SPMIP6: variants seen among roughly 807,000 people sequenced by gnomAD.
SPMIP6 encodes the protein sperm microtubule inner protein 6.
At chr9:34,381,377 T>C in the SPMIP6 span, 1 of 1,613,830 alleles carries the variant, frequency 6.2e-7, no homozygotes. The surrounding 1 kb of genome is among the most constrained non-coding windows in gnomAD (Gnocchi z 4.4). Flanking sequence ...ACCGTAGGCA[T>C]TGAGCCGCTC....
At chr9:34,383,103 C>T in the SPMIP6 span, among the ~76,000 whole-genome samples, 2 of 152,230 alleles carry the variant, frequency 1.3e-5, no homozygotes, top group Admixed American at 6.5e-5. Flanking sequence ...CTGTGCCAGC[C>T]ACTTTTCATC....
chr9:34,385,547 A>AG, the SPMIP6 span: 1 of 1,034,718 alleles, frequency 9.7e-7, no homozygotes, highest in Non-Finnish European at 1.3e-6. Flanking sequence ...AAAAAAAAAA[A>AG]AAAAAAAAAA....
the SPMIP6 span, chr9:34,380,649 G>GGTGAAATATC: frequency 1.3e-6 from 2 of 1,530,492 alleles, no homozygotes; most frequent in Non-Finnish European, 1.8e-6. Context: ...GGTTGACCTT[G>GGTGAAATATC]AGCCCAGTTT....
chr9:34,394,966 C>CTTT, the SPMIP6 span, among the ~76,000 whole-genome samples: 206 of 144,232 alleles, frequency 1.4e-3, 2 homozygotes, highest in Admixed American at 2.3e-3. Context: ...TTCCTTCATT[C>CTTT]TTTTTTTTTT....
the SPMIP6 span, among the ~76,000 whole-genome samples, chr9:34,388,703 A>G: frequency 6.6e-6 from 1 of 151,156 alleles, no homozygotes; most frequent in African/African-American, 2.4e-5. Context: ...CTTCCTTCTC[A>G]CTCTCCTTGT....
At chr9:34,390,420 T>C in the SPMIP6 span, among the ~76,000 whole-genome samples, 1 of 152,206 alleles carries the variant, frequency 6.6e-6, no homozygotes. Context: ...TCACTCAAAC[T>C]GTACAGTTCA....
At chr9:34,379,696 C>T in the SPMIP6 span, 2 of 1,614,054 alleles carry the variant, frequency 1.2e-6, no homozygotes, top group South Asian at 1.1e-5. The surrounding 1 kb of genome is among the most constrained non-coding windows in gnomAD (Gnocchi z 4.2). Context: ...TAACAGCACA[C>T]TGCATTCCGG....
chr9:34,381,227 CCAGGACGGATAGATT>C, the SPMIP6 span: 1 of 1,565,312 alleles, frequency 6.4e-7, no homozygotes, highest in South Asian at 1.2e-5. This position sits in a 1 kb window ranked among gnomAD's most constrained non-coding sequence, Gnocchi z 4.4. Flanking sequence ...GAGACAAAAG[CCAGGACGGATAGATT>C]CAGGGTTCCA....
chr9:34,388,756 G>A, the SPMIP6 span, among the ~76,000 whole-genome samples: 1 of 152,072 alleles, frequency 6.6e-6, no homozygotes, highest in Admixed American at 6.6e-5. Flanking sequence ...TTTTAGAGGG[G>A]TTTTAGGAGG....
At chr9:34,379,784 A>C in the SPMIP6 span, 2 of 1,449,486 alleles carry the variant, frequency 1.4e-6, no homozygotes, top group East Asian at 2.3e-5. The surrounding 1 kb of genome is among the most constrained non-coding windows in gnomAD (Gnocchi z 4.2). Context: ...TTTGACTCTC[A>C]TCCCCCGATT....
the SPMIP6 span, chr9:34,380,782 G>T: frequency 6.5e-7 from 1 of 1,544,984 alleles, no homozygotes; most frequent in Non-Finnish European, 8.7e-7. Context: ...TGCAGCGCGG[G>T]GCTAGAGCAG....
chr9:34,381,696 C>G, the SPMIP6 span: 54 of 1,378,616 alleles, frequency 3.9e-5, no homozygotes, highest in Non-Finnish European at 4.9e-5. The surrounding 1 kb of genome is among the most constrained non-coding windows in gnomAD (Gnocchi z 4.4). Flanking sequence ...ACAACCCTGT[C>G]TCAGCGTTTG....
the SPMIP6 span, among the ~76,000 whole-genome samples, chr9:34,382,324 C>T: frequency 1.3e-5 from 2 of 152,180 alleles, no homozygotes; most frequent in African/African-American, 4.8e-5. Context: ...TGGCTCATGC[C>T]GGTAATCCCA....
chr9:34,380,148 C>T, the SPMIP6 span, among the ~76,000 whole-genome samples: 54 of 152,290 alleles, frequency 3.5e-4, no homozygotes, highest in African/African-American at 1.2e-3. Context: ...ATGAATCAGG[C>T]TCTCTCGGCC....
At chr9:34,385,726 G>A in the SPMIP6 span, 2 of 1,613,572 alleles carry the variant, frequency 1.2e-6, no homozygotes, top group Non-Finnish European at 1.7e-6. Context: ...AGCACATTTG[G>A]CCATCTTCTG....
the SPMIP6 span, among the ~76,000 whole-genome samples, chr9:34,395,311 G>A: frequency 3.9e-5 from 6 of 152,114 alleles, no homozygotes; most frequent in South Asian, 1.0e-3. Flanking sequence ...TTCACTCCTC[G>A]CCATTCATTG....
At chr9:34,379,125 A>T in the SPMIP6 span, 1 of 1,613,972 alleles carries the variant, frequency 6.2e-7, no homozygotes. This position sits in a 1 kb window ranked among gnomAD's most constrained non-coding sequence, Gnocchi z 4.2. Context: ...CTCAGGATGG[A>T]TAACATAGTT....
chr9:34,383,495 G>A, the SPMIP6 span, among the ~76,000 whole-genome samples: 1 of 152,220 alleles, frequency 6.6e-6, no homozygotes, highest in Non-Finnish European at 1.5e-5. Flanking sequence ...CTGCACTCCA[G>A]CCTGGGTGAC....
chr9:34,382,822 A>ATGTGT, the SPMIP6 span: 1 of 1,614,042 alleles, frequency 6.2e-7, no homozygotes, highest in Non-Finnish European at 8.5e-7. Flanking sequence ...TCCATCCTCC[A>ATGTGT]TGTGTTGTAC....
Sources: allele counts gnomAD v4.1 joint callset (sites outside exome capture counted in the v4.1 genomes callset), GRCh38; gene constraint gnomAD v4.1.1; non-coding constraint Gnocchi (gnomAD v3.1); transcripts MANE v1.5; gene names NCBI Gene and HGNC (gene_info 2026-07-23, HGNC 2026-07-21).